The following ADGRE1 variants were observed in gnomAD, a reference collection of about 807,000 sequenced individuals.
ADGRE1 encodes EGF-like module receptor 1.
Under a neutral mutation model 102.7 loss-of-function variants are expected in ADGRE1, and 82 were observed. The ratio of observed to expected loss-of-function variants is 0.80; its 90% confidence interval spans 0.67 to 0.96. The LOEUF is 0.96. Among genes scored for constraint, ADGRE1 ranks in the 40% least tolerant of loss-of-function variants. ADGRE1 has a pLI of 0.00. For synonymous variants in ADGRE1, 398 were observed against 399.6 expected, an observed-to-expected ratio of 1.00 and a Z score of 0.05; for missense variants, 1,032 against 1,085.3, an observed-to-expected ratio of 0.95 and a Z score of 0.69.
chr19:6,916,435 T>A, intron 12 of ADGRE1, 67 bp downstream of exon 12: 1 of 1,542,596 alleles, frequency 6.5e-7, no homozygotes, highest in Non-Finnish European at 8.8e-7. Context: ...TCGATCCCTT[T>A]CTAGGTGCCA....
chr19:6,926,175 C>T (rs190552129), intron 15 of ADGRE1, among the ~76,000 whole-genome samples, 191 bp from the exon 16 acceptor site: 32 of 152,290 alleles, frequency 2.1e-4, no homozygotes, highest in South Asian at 1.5e-3. Flanking sequence ...CAAACCAGGA[C>T]CATGGGTCTC....
At chr19:6,893,368 T>G (rs1433467302) in intron 2 of ADGRE1, among the ~76,000 whole-genome samples, 1 of 152,116 alleles carries the variant, frequency 6.6e-6, no homozygotes, top group African/African-American at 2.4e-5. Context: ...TGGCTAATTT[T>G]TTTTTATTTT....
chr19:6,922,610 T>TCACACA (rs1491300878), intron 14 of ADGRE1, among the ~76,000 whole-genome samples: 28 of 120,000 alleles, frequency 2.3e-4, no homozygotes, highest in African/African-American at 8.6e-4. Context: ...TGAGACTCTG[T>TCACACA]CTCACACACA....
At chr19:6,928,272 C>A in intron 17 of ADGRE1, 61 bp downstream of exon 17, 2 of 1,613,164 alleles carry the variant, frequency 1.2e-6, no homozygotes, top group Non-Finnish European at 1.7e-6. Context: ...AGGAGACCTG[C>A]GAGATCTGGA....
chr19:6,906,327 A>G lies in ADGRE1; in HGVS notation c.950-106A>G, dbSNP rs559105035. 39 of 886,862 alleles carry G rather than the reference A, an allele frequency of 4.4e-5. No individual in the cohort carries two copies. In the East Asian group the frequency reaches 4.6e-4, roughly 11 times the overall value. 54.9% of individuals were successfully genotyped at this position (886,862 alleles called of 1,614,324 possible). The stretch of plus-strand genomic sequence containing the variant: ...TTTCCCCCTTGTGTATTAGGGTAAT[A>G]GATGGATTTTAAGTCGGGCACGGGA... On this transcript the variant is annotated intron_variant, in intron 8 of 20. Transcript: ENST00000312053.
chr19:6,920,744 A>G (rs1974633531), intron 13 of ADGRE1, among the ~76,000 whole-genome samples: 1 of 150,076 alleles, frequency 6.7e-6, no homozygotes, highest in Non-Finnish European at 1.5e-5. Context: ...TCCTGAGCTT[A>G]GGTGATCCAC....
intron 1 of ADGRE1, among the ~76,000 whole-genome samples, chr19:6,888,575 A>G (rs1248665252): frequency 2.6e-5 from 4 of 152,214 alleles, no homozygotes; most frequent in Non-Finnish European, 1.5e-5. Context: ...CTATTTTACC[A>G]AGGAGGAAAC....
At chr19:6,906,905 C>A (rs1199151253) in intron 9 of ADGRE1, among the ~76,000 whole-genome samples, 1 of 152,174 alleles carries the variant, frequency 6.6e-6, no homozygotes, top group African/African-American at 2.4e-5. Flanking sequence ...TCCCACCTAG[C>A]TGCAAGGGAA....
chr19:6,923,870 A>G (rs1974776573), intron 14 of ADGRE1, among the ~76,000 whole-genome samples: 2 of 105,580 alleles, frequency 1.9e-5, no homozygotes, highest in Non-Finnish European at 4.2e-5. Flanking sequence ...CTTTGTGACA[A>G]TATCATAGAG....
At chr19:6,897,783 T>A (rs556262559) in intron 5 of ADGRE1, 23 of 291,290 alleles carry the variant, frequency 7.9e-5, no homozygotes, top group African/African-American at 3.3e-4. Flanking sequence ...TTTTAAAAAA[T>A]TTTTTATCTG....
chr19:6,906,495 G>C lies in ADGRE1; in HGVS notation c.1012G>C (p.Glu338Gln). The C allele has an allele frequency of 6.2e-7, 1 of 1,613,930 alleles. No individual in the cohort carries two copies. The highest frequency in any genetic ancestry group is 8.5e-7 in the Non-Finnish European group (1 of 1,179,862). ...TAATAAGCAGATCCAGCAATGCCAA[G>C]AGGGAACCGCAGTGAAACCTGCATA... is the stretch of plus-strand genomic sequence containing the variant. ...PDNKQIQQCQEGTAVKPAYVS... is the reference protein window; with the variant it reads ...PDNKQIQQCQQGTAVKPAYVS... Residue 338 changes from glutamate to glutamine, a missense_variant, in exon 9 of 21, where the codon GAG becomes CAG. Transcript: ENST00000312053.
At chr19:6,932,178 AAAATT>A (rs1975182376) in intron 17 of ADGRE1, among the ~76,000 whole-genome samples, 2 of 152,080 alleles carry the variant, frequency 1.3e-5, no homozygotes, top group Admixed American at 1.3e-4. Context: ...ACTAGAAAAT[AAAATT>A]CTGGGCCGGG....
At chr19:6,932,094 G>A (rs865879781) in intron 17 of ADGRE1, among the ~76,000 whole-genome samples, 5 of 152,170 alleles carry the variant, frequency 3.3e-5, no homozygotes, top group Non-Finnish European at 7.3e-5. Flanking sequence ...AGTTGGATGG[G>A]CAAGCCCTAG....
Position 6,921,702 on chromosome 19 carries a change from G to GC in ADGRE1, c.1621-11_1621-10insC, listed in dbSNP as rs1555716101. ...AAGACCTTTGTTTTTTTGTTTTTTTGTTTTTTTTAGCCAAAGCAGAAGTTT... is the reference window on the plus strand; with the variant it reads ...AAGACCTTTGTTTTTTTGTTTTTTTGCTTTTTTTTAGCCAAAGCAGAAGTTT... On this transcript the variant is annotated splice_polypyrimidine_tract_variant and intron_variant, in intron 13 of 20. Transcript: ENST00000312053. 1.8e-5 allele frequency: 28 copies of GC among 1,566,244 alleles called. No homozygotes were observed. The highest frequency in any genetic ancestry group is 1.4e-5 in the African/African-American group (1 of 71,836).
At chr19:6,938,773 TTTTC>T (rs139519526) in intron 20 of ADGRE1, among the ~76,000 whole-genome samples, 105,680 of 145,402 alleles carry the variant, frequency 0.73, 38,697 homozygotes, top group Non-Finnish European at 0.78. Context: ...CTATTTTCTT[TTTTC>T]TTTCTTTCTT....
At chr19:6,890,444 T>C (rs1398403855) in intron 1 of ADGRE1, 37 bp from the exon 2 acceptor site, 2 of 1,091,824 alleles carry the variant, frequency 1.8e-6, no homozygotes, top group Non-Finnish European at 2.5e-6. Flanking sequence ...TTTTTTTTTT[T>C]GGTGGTTCAT....
chr19:6,901,406 C>T (rs1277009876), intron 5 of ADGRE1, among the ~76,000 whole-genome samples: 2 of 152,142 alleles, frequency 1.3e-5, no homozygotes, highest in Non-Finnish European at 2.9e-5. Flanking sequence ...CAACAGGTCT[C>T]TTGAGGCCCA....
intron 6 of ADGRE1, 85 bp downstream of exon 6, chr19:6,902,106 G>A: frequency 6.6e-7 from 1 of 1,523,168 alleles, no homozygotes; most frequent in South Asian, 1.2e-5. Flanking sequence ...TCTTGGTTGA[G>A]TTTGAGACTT....
At chr19:6,909,233 A>G (rs75798960) in intron 10 of ADGRE1, among the ~76,000 whole-genome samples, 8,401 of 152,266 alleles carry the variant, frequency 0.055, 272 homozygotes, top group African/African-American at 0.093. Context: ...AAATTAGCAT[A>G]CAGTAAAATT....
Sources: allele counts gnomAD v4.1 joint callset (sites outside exome capture counted in the v4.1 genomes callset), GRCh38; gene constraint gnomAD v4.1.1; transcripts MANE v1.5; gene names NCBI Gene and HGNC (gene_info 2026-07-23, HGNC 2026-07-21).